TTBK2: variants seen among roughly 807,000 people sequenced by gnomAD.
TTBK2 encodes tau tubulin kinase 2.
TTBK2 carries 28 observed loss-of-function variants against 110.8 expected under a neutral mutation model. That is an observed-to-expected ratio of 0.25 (90% CI 0.19 to 0.35). The LOEUF (loss-of-function observed/expected upper bound fraction) is 0.35. Among genes scored for constraint, TTBK2 ranks in the 10% least tolerant of loss-of-function variants. TTBK2 has a pLI of 1.00. For missense variants in TTBK2, 1,369 were observed against 1,500.3 expected, an observed-to-expected ratio of 0.91 and a Z score of 1.45; for synonymous variants, 532 against 527.3, an observed-to-expected ratio of 1.01 and a Z score of -0.12.
intron 1 of TTBK2, among the ~76,000 whole-genome samples, chr15:42,911,443 A>T (rs1282945904): frequency 6.6e-6 from 1 of 152,236 alleles, no homozygotes; most frequent in Non-Finnish European, 1.5e-5. Flanking sequence ...CTCTAACAAA[A>T]GAGGTAGAAC....
In TTBK2 at chr15:42,752,454, T is replaced by C; in HGVS notation, c.2792A>G (p.Lys931Arg). The change falls in exon 14 of 15, where the codon AAG becomes AGG. Residue 931 changes from lysine to arginine, a missense_variant. Physicochemically the swap from Lys to Arg is conservative, Grantham distance 26. Around this residue, in one of 4 missense-constraint regions of TTBK2, gnomAD observed 1,097 missense variants for 1,114.7 expected, o/e 0.98. Transcript: ENST00000267890. ...TACAAAGGATGACCTAACCATATCC[T>C]TCCGGGTTGGGGCACCATGTTCATT... Reference protein sequence around the residue: ...SENEHGAPTRKDMVRSSFVTR... With the variant: ...SENEHGAPTRRDMVRSSFVTR... The C allele has an allele frequency of 6.2e-7, 1 of 1,614,174 alleles. No individual in the cohort carries two copies. The highest frequency in any genetic ancestry group is 8.5e-7 in the Non-Finnish European group (1 of 1,180,028).
At chr15:42,832,428 A>G (rs1595961513) in intron 4 of TTBK2, among the ~76,000 whole-genome samples, 1 of 152,232 alleles carries the variant, frequency 6.6e-6, no homozygotes, top group African/African-American at 2.4e-5. Context: ...CACAAAACTG[A>G]TAAGAGTATG....
intron 13 of TTBK2, among the ~76,000 whole-genome samples, chr15:42,762,404 C>A (rs1467804883): frequency 6.6e-6 from 1 of 152,134 alleles, no homozygotes. Context: ...TGTACAACAA[C>A]AGATGAGTGG....
intron 9 of TTBK2, among the ~76,000 whole-genome samples, chr15:42,799,638 G>A (rs1891094075): frequency 6.6e-6 from 1 of 152,042 alleles, no homozygotes; most frequent in African/African-American, 2.4e-5. Context: ...GTTTTGCCAT[G>A]TCGGCCAGGC....
chr15:42,851,979 A>G (rs1046041152), intron 3 of TTBK2, among the ~76,000 whole-genome samples: 1 of 152,190 alleles, frequency 6.6e-6, no homozygotes, highest in Non-Finnish European at 1.5e-5. Flanking sequence ...AAGATAAAGT[A>G]TCAACGAGCC....
At chr15:42,814,796 A>T (rs1891873230) in intron 7 of TTBK2, among the ~76,000 whole-genome samples, 1 of 152,210 alleles carries the variant, frequency 6.6e-6, no homozygotes, top group Admixed American at 6.5e-5. Context: ...GAGTAAAAGC[A>T]TTCTACCCCT....
chr15:42,802,375 T>C (rs1351897281), intron 9 of TTBK2: 1 of 761,362 alleles, frequency 1.3e-6, no homozygotes, highest in Non-Finnish European at 2.4e-6. Context: ...GGTGGACACC[T>C]TGTAGGACTT....
At chr15:42,771,685 C>T (rs1889684609) in intron 13 of TTBK2, among the ~76,000 whole-genome samples, 1 of 152,158 alleles carries the variant, frequency 6.6e-6, no homozygotes, top group South Asian at 2.1e-4. Flanking sequence ...AAAAATACTG[C>T]TACTCTTTTT....
intron 9 of TTBK2, among the ~76,000 whole-genome samples, chr15:42,805,493 G>A (rs1051789676): frequency 2.6e-5 from 4 of 152,184 alleles, no homozygotes; most frequent in African/African-American, 9.7e-5. Context: ...GGCACACTGG[G>A]AGAAGAGCTG....
chr15:42,839,830 C>T (rs1423202181), intron 4 of TTBK2, among the ~76,000 whole-genome samples: 1 of 152,138 alleles, frequency 6.6e-6, no homozygotes, highest in Non-Finnish European at 1.5e-5. Flanking sequence ...ACCCCTTCTT[C>T]ACCTTCCTTG....
intron 13 of TTBK2, among the ~76,000 whole-genome samples, chr15:42,766,028 A>G (rs942752631): frequency 6.6e-6 from 1 of 152,180 alleles, no homozygotes; most frequent in African/African-American, 2.4e-5. Context: ...TAAGCTTCAT[A>G]AGTGAAGGAG....
chr15:42,819,657 T>C (rs1338925345), intron 6 of TTBK2, among the ~76,000 whole-genome samples: 2 of 152,210 alleles, frequency 1.3e-5, no homozygotes, highest in Non-Finnish European at 2.9e-5. Context: ...TGGATCTCAA[T>C]ATTTTCCTAA....
At chr15:42,872,224 T>C (rs1894641708) in intron 3 of TTBK2, among the ~76,000 whole-genome samples, 1 of 152,196 alleles carries the variant, frequency 6.6e-6, no homozygotes, top group Non-Finnish European at 1.5e-5. Flanking sequence ...GCAGCTTCCT[T>C]ACTGTGATTA....
chr15:42,873,837 TC>T (rs1438582643), intron 2 of TTBK2, among the ~76,000 whole-genome samples: 1 of 152,068 alleles, frequency 6.6e-6, no homozygotes, highest in Non-Finnish European at 1.5e-5. Flanking sequence ...TTATCCAACA[TC>T]CAGGATGTGA....
chr15:42,810,040 C>T (rs929550846), intron 9 of TTBK2, among the ~76,000 whole-genome samples: 2 of 152,148 alleles, frequency 1.3e-5, no homozygotes, highest in East Asian at 1.9e-4. Context: ...TAAGCCCTGA[C>T]CAAATTCTCC....
chr15:42,877,673 T>C (rs1276180429), intron 2 of TTBK2, among the ~76,000 whole-genome samples: 1 of 152,198 alleles, frequency 6.6e-6, no homozygotes, highest in African/African-American at 2.4e-5. Context: ...TTTTTAGTAC[T>C]ACTACAGTAT....
intron 3 of TTBK2, among the ~76,000 whole-genome samples, chr15:42,849,747 T>C (rs1307027344): frequency 6.6e-6 from 1 of 152,244 alleles, no homozygotes; most frequent in Non-Finnish European, 1.5e-5. Flanking sequence ...GTTTCCCATT[T>C]GGGATGTGGG....
chr15:42,768,904 A>G (rs1889519466), intron 13 of TTBK2, among the ~76,000 whole-genome samples: 1 of 152,240 alleles, frequency 6.6e-6, no homozygotes, highest in Admixed American at 6.5e-5. Context: ...TACTGGTACC[A>G]AAACAGATAC....
Position 42,798,091 on chromosome 15 carries a change from C to T in TTBK2, c.823-3290G>A, listed in dbSNP as rs141514250. ...TAGAGACGGGGTTTCACCATGTTGG[C>T]CAGGATGGTCTGAAACTCCTGACCT... is the stretch of plus-strand genomic sequence containing the variant. On this transcript the variant is annotated intron_variant, in intron 9 of 14. Transcript: ENST00000267890. 3.4e-3 allele frequency among the ~76,000 whole-genome samples: 522 copies of T among 152,054 alleles called. 1 individual carries two copies. The highest frequency in any genetic ancestry group is 0.012 in the African/African-American group (500 of 41,468).
Sources: allele counts gnomAD v4.1 joint callset (sites outside exome capture counted in the v4.1 genomes callset), GRCh38; gene constraint gnomAD v4.1.1; regional missense constraint gnomAD v4.1.1; transcripts MANE v1.5; gene names NCBI Gene and HGNC (gene_info 2026-07-23, HGNC 2026-07-21).